Variants in MBD5 observed in about 807,000 individuals in gnomAD.
MBD5 encodes the protein methyl-CpG-binding domain protein 5.
A neutral mutation model predicts 117.3 loss-of-function variants in MBD5; 13 were observed. That is an observed-to-expected ratio of 0.11 (90% confidence interval 0.07 to 0.18). MBD5 has a LOEUF of 0.18. Among genes scored for constraint, MBD5 ranks in the 10% least tolerant of loss-of-function variants. MBD5 has a pLI of 1.00. For missense variants in MBD5, 1,879 were observed against 2,093.8 expected, an observed-to-expected ratio of 0.90 and a Z score of 2.00; for synonymous variants, 727 against 766.4, an observed-to-expected ratio of 0.95 and a Z score of 0.85.
At chr2:148,231,302 G>C (rs1699981256) in intron 2 of MBD5, among the ~76,000 whole-genome samples, 1 of 152,118 alleles carries the variant, frequency 6.6e-6, no homozygotes, top group Non-Finnish European at 1.5e-5. Flanking sequence ...GACATCAGCT[G>C]TGTTTGGTCT....
intron 4 of MBD5, among the ~76,000 whole-genome samples, chr2:148,424,250 C>CA (rs1393565835): frequency 9.2e-6 from 1 of 108,726 alleles, no homozygotes; most frequent in Admixed American, 1.0e-4. Flanking sequence ...TCTGATAAAA[C>CA]AGACTTTAAA....
intron 1 of MBD5, among the ~76,000 whole-genome samples, chr2:148,140,803 C>T (rs931430210): frequency 2.0e-4 from 30 of 151,706 alleles, no homozygotes; most frequent in Non-Finnish European, 3.2e-4. Context: ...ATTGTATTGC[C>T]CAGGCTGGAG....
Position 148,510,052 on chromosome 2 carries a change from A to T in MBD5, c.5037-8A>T. 1 of 1,598,212 alleles carries T rather than the reference A, an allele frequency of 6.3e-7. No homozygotes were observed. Among genetic ancestry groups the T allele is most frequent in the Non-Finnish European group, 8.6e-7 (1 of 1,165,978 alleles). ...TTTAATCTGGTGTGTTGTTTTCATT[A>T]ATTCCAGAAGTGGAAAGCTAAATAA... On this transcript the variant is annotated splice_polypyrimidine_tract_variant and splice_region_variant and intron_variant, in intron 12 of 13. Transcript: ENST00000642680.
intron 1 of MBD5, among the ~76,000 whole-genome samples, chr2:148,141,280 CA>C (rs1418678587): frequency 6.6e-6 from 1 of 152,130 alleles, no homozygotes; most frequent in Non-Finnish European, 1.5e-5. Context: ...CTTGAAAATT[CA>C]AGCAAGATCT....
chr2:148,301,637 C>T (rs889060022), intron 3 of MBD5, among the ~76,000 whole-genome samples: 1 of 152,180 alleles, frequency 6.6e-6, no homozygotes, highest in African/African-American at 2.4e-5. Flanking sequence ...AGGGGAATTA[C>T]GTCCCTTTTC....
chr2:148,399,660 G>A lies in MBD5; in HGVS notation c.-557+57324G>A, dbSNP rs368350744. On this transcript the variant is annotated intron_variant, in intron 4 of 13. Transcript: ENST00000642680. The stretch of plus-strand genomic sequence containing the variant: ...TACCCTTTATTTCCTTCTCCTGCCT[G>A]ATTGCCCTGGCCAGAACTTCCAACA... Among the ~76,000 whole-genome samples the A allele has an allele frequency of 2.6e-5, 4 of 152,078 alleles. No individual in the cohort carries two copies. In the South Asian group the frequency reaches 6.3e-4, roughly 24 times the overall value.
chr2:148,410,464 CTT>C (rs1407348086), intron 4 of MBD5, among the ~76,000 whole-genome samples: 25 of 152,158 alleles, frequency 1.6e-4, no homozygotes, highest in Non-Finnish European at 3.4e-4. Context: ...GGGTCTCACT[CTT>C]TCACCCAGGC....
At chr2:148,064,469 C>A (rs1299435590) in intron 1 of MBD5, among the ~76,000 whole-genome samples, 1 of 152,112 alleles carries the variant, frequency 6.6e-6, no homozygotes, top group Non-Finnish European at 1.5e-5. Flanking sequence ...CCATAGTGTG[C>A]CTTCTACCAG....
intron 3 of MBD5, among the ~76,000 whole-genome samples, chr2:148,273,206 A>T (rs962346615): frequency 6.6e-6 from 1 of 152,176 alleles, no homozygotes; most frequent in South Asian, 2.1e-4. Context: ...ATTCCTGGGC[A>T]TCGGTCAAAC....
chr2:148,154,994 G>T (rs142137521), intron 1 of MBD5, among the ~76,000 whole-genome samples: 1 of 152,112 alleles, frequency 6.6e-6, no homozygotes, highest in Non-Finnish European at 1.5e-5. Flanking sequence ...AGGTTCTATA[G>T]GCCCTGAAGG....
chr2:148,187,164 T>C (rs945259435), intron 2 of MBD5, among the ~76,000 whole-genome samples: 1 of 152,222 alleles, frequency 6.6e-6, no homozygotes, highest in African/African-American at 2.4e-5. Flanking sequence ...GGGGCTGTAG[T>C]GTGCTATGAT....
chr2:148,167,233 T>C (rs1698147476), intron 1 of MBD5, among the ~76,000 whole-genome samples: 1 of 152,222 alleles, frequency 6.6e-6, no homozygotes. Context: ...TCTTTTTCTA[T>C]AAATTAATTC....
At chr2:148,407,444 T>C (rs1705117871) in intron 4 of MBD5, among the ~76,000 whole-genome samples, 1 of 151,972 alleles carries the variant, frequency 6.6e-6, no homozygotes, top group African/African-American at 2.4e-5. Context: ...CAGAAATTTA[T>C]TCAAAAAACA....
intron 8 of MBD5, among the ~76,000 whole-genome samples, chr2:148,478,033 A>G (rs1681027456): frequency 6.6e-6 from 1 of 152,190 alleles, no homozygotes; most frequent in Non-Finnish European, 1.5e-5. Context: ...TAACAATATT[A>G]TTAATATTTA....
intron 1 of MBD5, among the ~76,000 whole-genome samples, chr2:148,148,691 A>G (rs1697541781): frequency 6.6e-6 from 1 of 151,630 alleles, no homozygotes; most frequent in South Asian, 2.1e-4. Context: ...CCCAATTTCT[A>G]TGGGTTTTAT....
chr2:148,191,163 CT>C (rs1698818005), intron 2 of MBD5, among the ~76,000 whole-genome samples: 1 of 33,436 alleles, frequency 3.0e-5, no homozygotes, highest in Non-Finnish European at 5.3e-5. Context: ...TAATGGGAGA[CT>C]TTAACACCCC....
At position 148,514,199 on chromosome 2, in the gene MBD5, A is replaced by T; in HGVS notation, c.*1258A>T. The T allele has an allele frequency of 6.6e-6, 1 of 152,216 alleles. No homozygotes were observed. The highest frequency in any genetic ancestry group is 1.9e-4 in the East Asian group (1 of 5,206). 9.4% of individuals were successfully genotyped at this position (152,216 alleles called of 1,614,324 possible). A position where few individuals can be genotyped will look rare whatever the true frequency, so the allele number is the denominator to read the frequency against. ...TTAATGTGGCAAAAATGTGCAGGTTAAATCTATTAACCAAATTATTTATAT... is the reference window on the plus strand; with the variant it reads ...TTAATGTGGCAAAAATGTGCAGGTTTAATCTATTAACCAAATTATTTATAT... On this transcript the variant is annotated 3_prime_UTR_variant, in exon 14 of 14. Coordinates refer to ENST00000642680, the MANE Select transcript of MBD5 (RefSeq NM_001378120.1).
chr2:148,346,025 C>T lies in MBD5; in HGVS notation c.-557+3689C>T, dbSNP rs1703115441. The T allele has an allele frequency of 2.0e-5, 3 of 151,854 alleles. No individual in the cohort carries two copies. In the Admixed American group the frequency reaches 2.0e-4, roughly 10 times the overall value. 9.4% of individuals were successfully genotyped at this position (151,854 alleles called of 1,614,324 possible). The stretch of plus-strand genomic sequence containing the variant: ...AAATGTTAATCTCTTTTGGCAGCAC[C>T]CACACAGACACACCCAGGATTAATA... On this transcript the variant is annotated intron_variant, in intron 4 of 13. Coordinates refer to ENST00000642680, the MANE Select transcript of MBD5 (RefSeq NM_001378120.1).
At chr2:148,127,826 T>C (rs1156440476) in intron 1 of MBD5, among the ~76,000 whole-genome samples, 1 of 152,250 alleles carries the variant, frequency 6.6e-6, no homozygotes, top group Non-Finnish European at 1.5e-5. Flanking sequence ...TTCACAATGG[T>C]TGAACTAATT....
Sources: gnomAD v4.1 joint callset for allele counts (sites outside exome capture counted in the v4.1 genomes callset) on GRCh38, gnomAD v4.1.1 for gene constraint, MANE v1.5 for transcripts, NCBI Gene and HGNC (gene_info 2026-07-23, HGNC 2026-07-21) for gene names.